GALNTL6: variants seen among roughly 807,000 people sequenced by gnomAD.
GALNTL6 encodes polypeptide N-acetylgalactosaminyltransferase-like 6.
Under a neutral mutation model 73.7 loss-of-function variants are expected in GALNTL6, and 46 were observed. The observed-to-expected ratio is 0.62, with a 90% CI of 0.49 to 0.80. The LOEUF is 0.80. Ranked by LOEUF, GALNTL6 falls within the 30% of genes least tolerant of loss-of-function variation. GALNTL6 has a pLI of 0.00. For synonymous variants in GALNTL6, 259 were observed against 263.7 expected (o/e 0.98, Z 0.17); for missense variants, 604 against 755.0 (o/e 0.80, Z 2.34).
At position 172,809,002 on chromosome 4, in the gene GALNTL6, G is replaced by C. The variant is rs1741132356; in HGVS notation, c.554-359G>C. 6.6e-6 allele frequency among the ~76,000 whole-genome samples: 1 copy of C among 152,182 alleles called. No homozygotes were observed. On this transcript the variant is annotated intron_variant, in intron 5 of 12. Transcript: ENST00000506823. The surrounding 1 kb of genome is among the most constrained non-coding windows in gnomAD (Gnocchi z 4.4). ...CTGTAGAGAGCTCTTTTGTTGGAAA[G>C]AGCCCATTTCCAGGATTTTCATCTG...
intron 4 of GALNTL6, among the ~76,000 whole-genome samples, chr4:172,345,208 C>G (rs1367641759): frequency 6.6e-6 from 1 of 151,944 alleles, no homozygotes; most frequent in Non-Finnish European, 1.5e-5. Flanking sequence ...TCATTTGAAC[C>G]TAGTCTGATC....
intron 5 of GALNTL6, among the ~76,000 whole-genome samples, chr4:172,596,056 T>G (rs1001089237): frequency 5.9e-5 from 9 of 152,196 alleles, no homozygotes; most frequent in Non-Finnish European, 1.3e-4. Flanking sequence ...AGAATTACTA[T>G]TACATTTTAA....
intron 7 of GALNTL6, among the ~76,000 whole-genome samples, chr4:172,869,880 T>C (rs1470368764): frequency 6.6e-6 from 1 of 152,084 alleles, no homozygotes; most frequent in East Asian, 1.9e-4. Flanking sequence ...AGTCACCCCT[T>C]CTTAGGCTCT....
chr4:172,152,889 C>T (rs1224069713), intron 2 of GALNTL6, among the ~76,000 whole-genome samples: 2 of 152,148 alleles, frequency 1.3e-5, no homozygotes, highest in South Asian at 2.1e-4. Context: ...GGATTACAGG[C>T]GTGAGCCACC....
At chr4:172,641,170 T>C (rs189553619) in intron 5 of GALNTL6, among the ~76,000 whole-genome samples, 31 of 152,256 alleles carry the variant, frequency 2.0e-4, no homozygotes, top group Admixed American at 2.6e-4. Context: ...ACATCATCTT[T>C]TGCCTGGATT....
intron 5 of GALNTL6, among the ~76,000 whole-genome samples, chr4:172,375,164 G>A (rs1321410391): frequency 6.6e-6 from 1 of 152,168 alleles, no homozygotes; most frequent in Non-Finnish European, 1.5e-5. Context: ...CCTCCTGTGG[G>A]ATGTAAATTG....
chr4:172,900,667 G>T (rs1199773783), intron 8 of GALNTL6, among the ~76,000 whole-genome samples: 1 of 152,142 alleles, frequency 6.6e-6, no homozygotes, highest in Non-Finnish European at 1.5e-5. Context: ...AAATGGCATT[G>T]CTGTATTTGC....
At chr4:172,041,458 ATTGTGAACC>A (rs1742084078) in intron 2 of GALNTL6, among the ~76,000 whole-genome samples, 1 of 152,116 alleles carries the variant, frequency 6.6e-6, no homozygotes, top group Non-Finnish European at 1.5e-5. Flanking sequence ...AAGACTGTTC[ATTGTGAACC>A]TTAGCATAAA....
intron 2 of GALNTL6, among the ~76,000 whole-genome samples, chr4:172,221,435 C>T (rs1156276593): frequency 6.6e-6 from 1 of 151,768 alleles, no homozygotes; most frequent in East Asian, 1.9e-4. Flanking sequence ...TTTGAATAAC[C>T]ATCAACAAGG....
At chr4:172,690,743 T>C (rs1733231380) in intron 5 of GALNTL6, among the ~76,000 whole-genome samples, 1 of 152,222 alleles carries the variant, frequency 6.6e-6, no homozygotes, top group Non-Finnish European at 1.5e-5. Context: ...TGCATATCTC[T>C]CAACTAACCT....
intron 2 of GALNTL6, among the ~76,000 whole-genome samples, chr4:172,139,126 A>T (rs1733735783): frequency 6.6e-6 from 1 of 152,166 alleles, no homozygotes; most frequent in Non-Finnish European, 1.5e-5. Context: ...TTATAAGGCC[A>T]CTGTGCTAGA....
intron 2 of GALNTL6, among the ~76,000 whole-genome samples, chr4:171,868,287 G>C (rs779785975): frequency 3.3e-5 from 5 of 152,136 alleles, no homozygotes; most frequent in Non-Finnish European, 7.3e-5. Context: ...CCTCTGAAGT[G>C]CTTGCTGAAT....
intron 5 of GALNTL6, among the ~76,000 whole-genome samples, chr4:172,673,994 T>C (rs1732138191): frequency 1.3e-5 from 2 of 152,226 alleles, no homozygotes; most frequent in South Asian, 4.1e-4. Context: ...TATGTGTGGA[T>C]TTGATCCTGT....
intron 2 of GALNTL6, among the ~76,000 whole-genome samples, chr4:171,839,529 T>C (rs146292742): frequency 6.6e-6 from 1 of 152,180 alleles, no homozygotes; most frequent in East Asian, 1.9e-4. Flanking sequence ...TTGGTAACTC[T>C]ACTTATGGCC....
chr4:172,696,780 T>G (rs185300215), intron 5 of GALNTL6, among the ~76,000 whole-genome samples: 1 of 152,332 alleles, frequency 6.6e-6, no homozygotes, highest in East Asian at 1.9e-4. Flanking sequence ...ATGTCTTTAT[T>G]AGCAGCGTGA....
rs746890807 is a variant in GALNTL6 at position 172,648,229 on chromosome 4, G to C, written c.554-161132G>C. Among the ~76,000 whole-genome samples, 3 of 152,068 alleles carry C rather than the reference G, an allele frequency of 2.0e-5. No individual in the cohort carries two copies. In the South Asian group the frequency reaches 6.2e-4, roughly 31 times the overall value. ...GTGAGATTGTTGCTCACTGACTGAC[G>C]TTTGGAAGCCAAAGACTTAACTCAT... is the stretch of plus-strand genomic sequence containing the variant. On this transcript the variant is annotated intron_variant, in intron 5 of 12. Transcript: ENST00000506823.
At chr4:173,020,933 C>T (rs930826726) in intron 11 of GALNTL6, among the ~76,000 whole-genome samples, 3 of 152,042 alleles carry the variant, frequency 2.0e-5, no homozygotes, top group African/African-American at 4.8e-5. Context: ...ATTAGCCAGG[C>T]GTGGTGGCGT....
At chr4:171,816,733 G>GA (rs1325781113) in intron 2 of GALNTL6, among the ~76,000 whole-genome samples, 2 of 151,864 alleles carry the variant, frequency 1.3e-5, no homozygotes, top group Non-Finnish European at 2.9e-5. Flanking sequence ...ATTACTTAAT[G>GA]AAAAATATAA....
At chr4:172,960,774 A>G (rs1023711840) in intron 10 of GALNTL6, among the ~76,000 whole-genome samples, 1 of 152,192 alleles carries the variant, frequency 6.6e-6, no homozygotes, top group South Asian at 2.1e-4. Context: ...GTCAAGTGGC[A>G]TTGTAGAAGA....
Sources: allele counts gnomAD v4.1 joint callset (sites outside exome capture counted in the v4.1 genomes callset), GRCh38; gene constraint gnomAD v4.1.1; non-coding constraint Gnocchi (gnomAD v3.1); transcripts MANE v1.5; gene names NCBI Gene and HGNC (gene_info 2026-07-23, HGNC 2026-07-21).